Variants in NCBP2L observed in about 807,000 individuals in gnomAD.
The protein encoded by NCBP2L is nuclear cap binding protein subunit 2 like, also known as nuclear cap-binding protein subunit 2-like.
For missense variants in NCBP2L, 95 were observed against 53.1 expected (o/e 1.79, Z -2.45); for synonymous variants, 39 against 19.2 (o/e 2.04, Z -2.70).
Position 107,795,158 on chromosome X carries a change from C to T in NCBP2L, c.*476C>T, listed in dbSNP as rs1725380386. 1 of 113,157 alleles carries T rather than the reference C, an allele frequency of 8.8e-6. No homozygotes were observed. Among genetic ancestry groups the T allele is most frequent in the African/African-American group, 3.2e-5 (1 of 30,879 alleles). The allele number at this position is 113,157 out of a possible 1,213,427, so 9.3% of individuals were successfully genotyped here. On this transcript the variant is annotated 3_prime_UTR_variant, in exon 2 of 2. Coordinates refer to ENST00000509000, the MANE Select transcript of NCBP2L (RefSeq NM_001348372.2). ...AAGAATTTGTAATAAAAACAAAAAT[C>T]CTCCTGCCCCACCTCTTCCTATCCT... is the stretch of plus-strand genomic sequence containing the variant.
intron 1 of NCBP2L, among the ~76,000 whole-genome samples, chrX:107,782,250 AAT>A (rs1187206249): frequency 2.4e-4 from 1 of 4,113 alleles, no homozygotes; most frequent in Non-Finnish European, 3.6e-4. Flanking sequence ...TATATATATA[AAT>A]ATATATATAA....
intron 1 of NCBP2L, among the ~76,000 whole-genome samples, chrX:107,782,210 AAT>A (rs1417270792): frequency 9.9e-4 from 7 of 7,058 alleles, no homozygotes; most frequent in South Asian, 0.012. Context: ...TATATATATA[AAT>A]ATATATATAA....
chrX:107,793,132 C>T lies in NCBP2L; in HGVS notation c.-72-1017C>T, dbSNP rs142452591. Among the ~76,000 whole-genome samples the T allele has an allele frequency of 3.6e-3, 407 of 111,976 alleles. 4 individuals carry two copies. Among genetic ancestry groups the T allele is most frequent in the East Asian group, 0.027 (96 of 3,580 alleles). On this transcript the variant is annotated intron_variant, in intron 1 of 1. Coordinates refer to ENST00000509000, the MANE Select transcript of NCBP2L (RefSeq NM_001348372.2). ...GTCATAGTGTCTGGCAAGTAGAGTG[C>T]TTATTAAATGTTTGTTAAGGGAATG...
chrX:107,779,689 A>G (rs1228214285), intron 1 of NCBP2L, among the ~76,000 whole-genome samples: 1 of 109,249 alleles, frequency 9.2e-6, no homozygotes, highest in Non-Finnish European at 1.9e-5. Context: ...CGGCCTCCTA[A>G]AGTGCTGGGA....
At position 107,782,184 on chromosome X, in the gene NCBP2L, TATATATATATAAATATATATATATAA is replaced by T. The variant is rs1930303483; in HGVS notation, c.-73+4364_-73+4389del. On this transcript the variant is annotated intron_variant, in intron 1 of 1. Transcript: ENST00000509000. The stretch of plus-strand genomic sequence containing the variant: ...TCACGGCTATATATATATATATAAA[TATATATATATAAATATATATATATAA>T]ATATATATATAAATATATATATATA... 4.9e-4 allele frequency among the ~76,000 whole-genome samples: 13 copies of T among 26,725 alleles called. 1 individual carries two copies. The highest frequency in any genetic ancestry group is 1.2e-3 in the East Asian group (1 of 811). The allele number at this position is 26,725 out of a possible 115,157, so 23.2% of individuals were successfully genotyped here.
chrX:107,790,155 G>C (rs1930432696), intron 1 of NCBP2L, among the ~76,000 whole-genome samples: 1 of 111,424 alleles, frequency 9.0e-6, no homozygotes, highest in African/African-American at 3.3e-5. Flanking sequence ...GCTGAAACTC[G>C]GTAGTCATCC....
At chrX:107,782,636 T>C (rs1178845383) in intron 1 of NCBP2L, among the ~76,000 whole-genome samples, 1 of 104,468 alleles carries the variant, frequency 9.6e-6, no homozygotes, top group Non-Finnish European at 1.9e-5. Context: ...ACCCAACCCC[T>C]GGTAACCACC....
At chrX:107,781,271 A>G (rs1352527195) in intron 1 of NCBP2L, among the ~76,000 whole-genome samples, 1 of 90,824 alleles carries the variant, frequency 1.1e-5, no homozygotes, top group African/African-American at 4.4e-5. Flanking sequence ...GCTGGGGTGC[A>G]GTGGCACGAT....
chrX:107,785,102 T>A (rs964400881), intron 1 of NCBP2L, among the ~76,000 whole-genome samples: 2 of 110,620 alleles, frequency 1.8e-5, no homozygotes, highest in Admixed American at 1.9e-4. Flanking sequence ...GAGAAAAAAA[T>A]AAAATAGAGG....
intron 1 of NCBP2L, among the ~76,000 whole-genome samples, chrX:107,788,129 T>C (rs759860869): frequency 4.5e-5 from 5 of 112,049 alleles, no homozygotes; most frequent in African/African-American, 1.6e-4. Context: ...CTCTACTTTT[T>C]AGGTAGGAAA....
chrX:107,784,837 G>T (rs1319289263), intron 1 of NCBP2L, among the ~76,000 whole-genome samples: 1 of 107,112 alleles, frequency 9.3e-6, no homozygotes, highest in East Asian at 2.9e-4. Context: ...AAAATAGCCA[G>T]GTGTGGTGGC....
intron 1 of NCBP2L, among the ~76,000 whole-genome samples, chrX:107,788,647 G>C (rs1569457746): frequency 8.9e-6 from 1 of 112,447 alleles, no homozygotes; most frequent in Non-Finnish European, 1.9e-5. Flanking sequence ...CATTGGGACT[G>C]CCACTCCTTG....
chrX:107,783,786 C>A (rs1479163517), intron 1 of NCBP2L, among the ~76,000 whole-genome samples: 1 of 110,685 alleles, frequency 9.0e-6, no homozygotes, highest in Non-Finnish European at 1.9e-5. Flanking sequence ...AGAACTGTTT[C>A]ATGGAGGCCA....
chrX:107,791,491 C>A (rs1322740546), intron 1 of NCBP2L, among the ~76,000 whole-genome samples: 1 of 112,305 alleles, frequency 8.9e-6, no homozygotes. Context: ...AGCAATCCAC[C>A]TGCCTCGGCC....
chrX:107,785,810 G>C (rs760325438), intron 1 of NCBP2L, among the ~76,000 whole-genome samples: 1 of 110,960 alleles, frequency 9.0e-6, no homozygotes, highest in Admixed American at 9.7e-5. Context: ...GAGTGAAGAG[G>C]ATTGGGGAGA....
In NCBP2L at chrX:107,795,280, T is replaced by C. The variant is rs1050912006; in HGVS notation, c.*598T>C. On this transcript the variant is annotated 3_prime_UTR_variant, in exon 2 of 2. Transcript: ENST00000509000. The stretch of plus-strand genomic sequence containing the variant: ...CCTCCATATCTCCAAATAACATGAC[T>C]ACTTACTTTCTTTTTAAACGCTACG... 2 of 112,205 alleles carry C rather than the reference T, an allele frequency of 1.8e-5. No homozygotes were observed. Among genetic ancestry groups the C allele is most frequent in the African/African-American group, 6.5e-5 (2 of 30,810 alleles). The allele number at this position is 112,205 out of a possible 1,213,427, so 9.2% of individuals were successfully genotyped here.
At chrX:107,789,646 C>G (rs1337554855) in intron 1 of NCBP2L, among the ~76,000 whole-genome samples, 2 of 111,147 alleles carry the variant, frequency 1.8e-5, no homozygotes, top group Non-Finnish European at 3.8e-5. Flanking sequence ...TACTGGACCT[C>G]TCTCTGATGT....
intron 1 of NCBP2L, among the ~76,000 whole-genome samples, chrX:107,789,837 T>C (rs930986715): frequency 9.1e-6 from 1 of 109,800 alleles, no homozygotes; most frequent in Non-Finnish European, 1.9e-5. Context: ...TTCCCAGGTT[T>C]TTTCATTCCT....
At chrX:107,784,846 G>T (rs1053154080) in intron 1 of NCBP2L, among the ~76,000 whole-genome samples, 8 of 107,498 alleles carry the variant, frequency 7.4e-5, no homozygotes, top group Admixed American at 1.0e-4. Context: ...AGGTGTGGTG[G>T]CATGCACCTG....
Sources: gnomAD v4.1 joint callset for allele counts (sites outside exome capture counted in the v4.1 genomes callset) on GRCh38, gnomAD v4.1.1 for gene constraint, MANE v1.5 for transcripts, NCBI Gene and HGNC (gene_info 2026-07-23, HGNC 2026-07-21) for gene names.